TPGS1: variants seen among roughly 807,000 people sequenced by gnomAD.
TPGS1 encodes tubulin polyglutamylase complex subunit 1.
TPGS1 carries 18 observed loss-of-function variants against 11.9 expected under a neutral mutation model. The ratio of observed to expected loss-of-function variants is 1.51; its 90% CI spans 1.04 to 2.24. The LOEUF is 2.24. Ranked by LOEUF, TPGS1 falls within the 30% of genes most tolerant of loss-of-function variation. TPGS1 has a pLI of 0.00. For synonymous variants in TPGS1, 247 were observed against 218.2 expected, an observed-to-expected ratio of 1.13 and a Z score of -1.16; for missense variants, 500 against 443.0, an observed-to-expected ratio of 1.13 and a Z score of -1.16.
intron 1 of TPGS1, among the ~76,000 whole-genome samples, chr19:513,058 C>T (rs953305955): frequency 1.3e-5 from 2 of 152,206 alleles, no homozygotes; most frequent in African/African-American, 4.8e-5. Context: ...GCCGCCGAGA[C>T]GCTGTGTCAA....
At chr19:511,867 G>A (rs1303560574) in intron 1 of TPGS1, among the ~76,000 whole-genome samples, 1 of 140,750 alleles carries the variant, frequency 7.1e-6, no homozygotes, top group Non-Finnish European at 1.5e-5. Context: ...GGGACGTCCA[G>A]TTGTTTTTTT....
intron 1 of TPGS1, among the ~76,000 whole-genome samples, chr19:515,542 A>T (rs1240067384): frequency 6.7e-6 from 1 of 149,408 alleles, no homozygotes; most frequent in East Asian, 2.0e-4. Context: ...GATCCAGACC[A>T]TCCTGGCCGA....
Position 519,587 on chromosome 19 carries a change from G to C in TPGS1, c.*164G>C. 5.8e-6 allele frequency: 3 copies of C among 515,354 alleles called. No homozygotes were observed. The highest frequency in any genetic ancestry group is 8.4e-6 in the Non-Finnish European group (3 of 355,448). 31.9% of individuals were successfully genotyped at this position (515,354 alleles called of 1,614,324 possible). A position where few individuals can be genotyped will look rare whatever the true frequency, so the allele number is the denominator to read the frequency against. ...AGCGGACGCCCGGTCCCCACACAGC[G>C]CCGCGGCCGCCCCTCCACCCCCGCG... On this transcript the variant is annotated 3_prime_UTR_variant, in exon 2 of 2. Coordinates refer to ENST00000359315, the MANE Select transcript of TPGS1 (RefSeq NM_033513.3).
chr19:507,990 G>A, intron 1 of TPGS1, 146 bp downstream of exon 1: 1 of 603,916 alleles, frequency 1.7e-6, no homozygotes, highest in Non-Finnish European at 2.4e-6. Flanking sequence ...TGGGTGGGAT[G>A]GATCGGACAA....
intron 1 of TPGS1, among the ~76,000 whole-genome samples, chr19:516,419 C>T (rs1312405606): frequency 2.0e-5 from 3 of 149,626 alleles, no homozygotes; most frequent in Non-Finnish European, 4.4e-5. Flanking sequence ...GAGTCTCGCT[C>T]TGTCGCCCAG....
chr19:515,771 G>A (rs1461951347), intron 1 of TPGS1, among the ~76,000 whole-genome samples: 2 of 149,900 alleles, frequency 1.3e-5, no homozygotes, highest in Non-Finnish European at 1.5e-5. Flanking sequence ...GGTGGCTCAC[G>A]CCTGTAATCC....
chr19:509,276 C>G (rs1300125871), intron 1 of TPGS1: 1 of 152,200 alleles, frequency 6.6e-6, no homozygotes, highest in African/African-American at 2.4e-5. Flanking sequence ...CCAGGACATC[C>G]GGAAGAGAAT....
At chr19:510,490 G>T (rs1978762425) in intron 1 of TPGS1, 2 of 152,202 alleles carry the variant, frequency 1.3e-5, no homozygotes, top group Non-Finnish European at 2.9e-5. Flanking sequence ...CACCGTGGTA[G>T]GCTGGGGGAG....
rs1347995480 is a variant in TPGS1, at chr19:516,832, C to T, written c.339-2057C>T. On this transcript the variant is annotated intron_variant, in intron 1 of 1. Coordinates refer to ENST00000359315, the MANE Select transcript of TPGS1 (RefSeq NM_033513.3). The stretch of plus-strand genomic sequence containing the variant: ...AGTTGGAGAGTATAGATAAGGTCCA[C>T]TGACTACAGAGAGAAGACAGGCTGT... Among the ~76,000 whole-genome samples, 4 of 152,316 alleles carry T rather than the reference C, an allele frequency of 2.6e-5. No homozygotes were observed. The East Asian group carries it at 5.8e-4, about 22-fold the overall frequency.
In TPGS1 at chr19:519,436, G is replaced by A; in HGVS notation, c.*13G>A. On this transcript the variant is annotated 3_prime_UTR_variant, in exon 2 of 2. Coordinates refer to ENST00000359315, the MANE Select transcript of TPGS1 (RefSeq NM_033513.3). ...GCCGGTGGGCTGAGGCCCGTGGGCC[G>A]CGCGGATCCGGGATCTGCGCTGGGG... is the stretch of plus-strand genomic sequence containing the variant. The A allele has an allele frequency of 2.5e-6, 3 of 1,205,902 alleles. No individual in the cohort carries two copies. Among genetic ancestry groups the A allele is most frequent in the East Asian group, 3.5e-5 (1 of 28,438 alleles). 74.7% of individuals were successfully genotyped at this position (1,205,902 alleles called of 1,614,324 possible).
At position 507,623 on chromosome 19, in the gene TPGS1, G is replaced by T; in HGVS notation, c.117G>T (p.Leu39=). 7.2e-7 allele frequency: 1 copy of T among 1,394,062 alleles called. No individual in the cohort carries two copies. 86.4% of individuals were successfully genotyped at this position (1,394,062 alleles called of 1,614,324 possible). The change falls in exon 1 of 2, where the codon CTG becomes CTT. Residue 39 remains leucine (L), a synonymous_variant. Coordinates refer to ENST00000359315, the MANE Select transcript of TPGS1 (RefSeq NM_033513.3). ...CGGCCGAGAGCGAGGAGGACTTCCT[G>T]CGGCAGGTCGGCGTGACGGAAATGC... ...AGAAESEEDF[L]RQVGVTEMLR...
At chr19:509,771 G>T (rs978011771) in intron 1 of TPGS1, 1 of 152,426 alleles carries the variant, frequency 6.6e-6, no homozygotes, top group African/African-American at 2.4e-5. Flanking sequence ...GGTTCTGGAT[G>T]GGCGTGAGTT....
At chr19:513,153 C>G (rs1408779315) in intron 1 of TPGS1, among the ~76,000 whole-genome samples, 1 of 152,216 alleles carries the variant, frequency 6.6e-6, no homozygotes, top group Non-Finnish European at 1.5e-5. Context: ...CACAGCAGAT[C>G]CTGATGAGAG....
chr19:510,288 G>A (rs1039004277), intron 1 of TPGS1: 1 of 152,040 alleles, frequency 6.6e-6, no homozygotes, highest in Non-Finnish European at 1.5e-5. Flanking sequence ...CAGGAGAATG[G>A]CATGAACCCA....
chr19:516,974 C>T (rs1978972525), intron 1 of TPGS1, among the ~76,000 whole-genome samples: 1 of 151,894 alleles, frequency 6.6e-6, no homozygotes, highest in Admixed American at 6.6e-5. Context: ...TCACTAATTC[C>T]TTCTTCACTG....
Position 507,709 on chromosome 19 carries a change from C to G in TPGS1, c.203C>G (p.Ala68Gly), listed in dbSNP as rs183969039. The G allele has an allele frequency of 1.4e-6, 2 of 1,398,064 alleles. No homozygotes were observed. The highest frequency in any genetic ancestry group is 1.9e-6 in the Non-Finnish European group (2 of 1,069,722). 86.6% of individuals were successfully genotyped at this position (1,398,064 alleles called of 1,614,324 possible). A position where few individuals can be genotyped will look rare whatever the true frequency, so the allele number is the denominator to read the frequency against. Reference protein sequence around the residue: ...ARPEEPIAFLAHYFENMGLRS... With the variant: ...ARPEEPIAFLGHYFENMGLRS... Reference sequence around the variant, plus strand: ...CCCGAGGAGCCGATCGCCTTCCTGGCTCACTACTTCGAGAACATGGGCCTG... The same window carrying G: ...CCCGAGGAGCCGATCGCCTTCCTGGGTCACTACTTCGAGAACATGGGCCTG... Residue 68 changes from alanine to glycine, a missense_variant, in exon 1 of 2, where the codon GCT becomes GGT. Ala to Gly is a moderately conservative substitution (Grantham distance 60, BLOSUM62 0). Transcript: ENST00000359315.
intron 1 of TPGS1, among the ~76,000 whole-genome samples, chr19:511,642 C>A (rs1461228030): frequency 6.6e-6 from 1 of 152,260 alleles, no homozygotes; most frequent in Non-Finnish European, 1.5e-5. Context: ...AGGCACAGAG[C>A]CCTGCACACC....
At chr19:511,479 C>A (rs113667226) in intron 1 of TPGS1, among the ~76,000 whole-genome samples, 4 of 152,376 alleles carry the variant, frequency 2.6e-5, no homozygotes, top group African/African-American at 9.6e-5. Context: ...GCCTCCCACA[C>A]GTATGCCAGC....
At position 507,769 on chromosome 19, in the gene TPGS1, C is replaced by G; in HGVS notation, c.263C>G (p.Pro88Arg). ...SPVNGGAGEP[P>R]GQLLLQQQRL... ...GTAAACGGCGGCGCCGGGGAGCCCC[C>G]GGGCCAGCTCCTGCTGCAGCAGCAG... Residue 88 changes from proline to arginine, a missense_variant, in exon 1 of 2, where the codon CCG (proline) becomes CGG (arginine). Physicochemically the swap from Pro to Arg is moderately radical, Grantham distance 103 (BLOSUM62 -2). Coordinates refer to ENST00000359315, the MANE Select transcript of TPGS1 (RefSeq NM_033513.3). 1 of 1,388,968 alleles carries G rather than the reference C, an allele frequency of 7.2e-7. No homozygotes were observed. The highest frequency in any genetic ancestry group is 3.5e-5 in the Admixed American group (1 of 28,258). 86.0% of individuals were successfully genotyped at this position (1,388,968 alleles called of 1,614,324 possible).
Sources: allele counts gnomAD v4.1 joint callset (sites outside exome capture counted in the v4.1 genomes callset), GRCh38; gene constraint gnomAD v4.1.1; transcripts MANE v1.5; gene names NCBI Gene and HGNC (gene_info 2026-07-23, HGNC 2026-07-21).